ABAT: variants seen among roughly 807,000 people sequenced by gnomAD.
ABAT encodes the protein 4-aminobutyrate aminotransferase.
In ABAT, 45 loss-of-function variants were observed where a neutral mutation model predicts 64.6. That is an observed-to-expected ratio of 0.70 (90% confidence interval 0.55 to 0.89). The LOEUF (loss-of-function observed/expected upper bound fraction) is 0.89. Among genes scored for constraint, ABAT ranks in the 40% least tolerant of loss-of-function variants. The pLI is 0.00. For synonymous variants in ABAT, 297 were observed against 250.5 expected (o/e 1.19, Z -1.75); for missense variants, 633 against 658.4 (o/e 0.96, Z 0.42).
chr16:8,751,418 T>C (rs1228028928), intron 5 of ABAT, among the ~76,000 whole-genome samples: 1 of 151,954 alleles, frequency 6.6e-6, no homozygotes, highest in African/African-American at 2.4e-5. Flanking sequence ...AGGTTATTGA[T>C]TGAGGGAGAG....
At chr16:8,733,890 T>A (rs2058834807) in intron 1 of ABAT, among the ~76,000 whole-genome samples, 1 of 152,240 alleles carries the variant, frequency 6.6e-6, no homozygotes, top group Non-Finnish European at 1.5e-5. Flanking sequence ...TCATGCAGTA[T>A]CTGACCTTTG....
chr16:8,678,211 T>G (rs1003481411), intron 1 of ABAT, among the ~76,000 whole-genome samples: 1 of 152,236 alleles, frequency 6.6e-6, no homozygotes, highest in South Asian at 2.1e-4. Context: ...TACACAAGAC[T>G]TTCTTGTCTG....
At chr16:8,707,236 G>C (rs1286525195) in intron 1 of ABAT, among the ~76,000 whole-genome samples, 1 of 151,970 alleles carries the variant, frequency 6.6e-6, no homozygotes, top group Non-Finnish European at 1.5e-5. Flanking sequence ...ACCCAGGCTT[G>C]AGTACAGTGG....
intron 6 of ABAT, 53 bp downstream of exon 6, chr16:8,757,859 C>T: frequency 3.8e-6 from 6 of 1,563,408 alleles, no homozygotes; most frequent in Non-Finnish European, 5.3e-6. Flanking sequence ...TGGCCATTCA[C>T]AGAATCACTG....
intron 1 of ABAT, among the ~76,000 whole-genome samples, chr16:8,708,674 C>G (rs1426616022): frequency 6.6e-6 from 1 of 152,216 alleles, no homozygotes; most frequent in Non-Finnish European, 1.5e-5. Context: ...AGACACATGA[C>G]TGACATGTAA....
intron 1 of ABAT, among the ~76,000 whole-genome samples, chr16:8,694,781 G>A (rs1024255832): frequency 1.3e-5 from 2 of 152,208 alleles, no homozygotes; most frequent in Admixed American, 1.3e-4. Context: ...CATGATGGGT[G>A]CATTCCCAAG....
intron 1 of ABAT, among the ~76,000 whole-genome samples, chr16:8,702,611 G>A (rs1326156279): frequency 6.6e-6 from 1 of 152,110 alleles, no homozygotes; most frequent in African/African-American, 2.4e-5. Context: ...GCACCAAACG[G>A]ATGGTGCTAA....
chr16:8,773,076 G>A (rs749719967), intron 12 of ABAT, among the ~76,000 whole-genome samples, 159 bp downstream of exon 12: 1 of 148,564 alleles, frequency 6.7e-6, no homozygotes, highest in Non-Finnish European at 1.5e-5. Flanking sequence ...TGGGGTTGGT[G>A]AAAGAATGGG....
intron 12 of ABAT, among the ~76,000 whole-genome samples, chr16:8,773,745 C>T (rs558498162): frequency 3.3e-5 from 5 of 152,176 alleles, no homozygotes; most frequent in East Asian, 1.9e-4. Flanking sequence ...AGGCGTCATT[C>T]GACTCTATTT....
Position 8,738,031 on chromosome 16 carries a change from A to C in ABAT, c.70+2222A>C, listed in dbSNP as rs143953110. Reference sequence around the variant, plus strand: ...AAGAAAGAAAGGAAAGAAAGAAAGAAGGACAGACAGACAAGACAGTGGCTC... The same window carrying C: ...AAGAAAGAAAGGAAAGAAAGAAAGACGGACAGACAGACAAGACAGTGGCTC... On this transcript the variant is annotated intron_variant, in intron 2 of 15. Coordinates refer to ENST00000268251, the MANE Select transcript of ABAT (RefSeq NM_020686.6). 7.7e-5 allele frequency among the ~76,000 whole-genome samples: 11 copies of C among 142,696 alleles called. 1 individual carries two copies. The highest frequency in any genetic ancestry group is 3.0e-4 in the African/African-American group (11 of 37,088). The allele number at this position is 142,696 out of a possible 152,430, so 93.6% of individuals were successfully genotyped here. A position where few individuals can be genotyped will look rare whatever the true frequency, so the allele number is the denominator to read the frequency against.
chr16:8,692,456 G>A lies in ABAT; in HGVS notation c.-42+17745G>A, dbSNP rs568134720. On this transcript the variant is annotated intron_variant, in intron 1 of 15. Transcript: ENST00000268251. ...TGCTTTCGGCAACATGGCTAAGAAG[G>A]AGGCAGTTGAGCAGGTGAGGTTTGC... Among the ~76,000 whole-genome samples the A allele has an allele frequency of 1.8e-3, 278 of 152,264 alleles. 3 individuals carry two copies. Among genetic ancestry groups the A allele is most frequent in the South Asian group, 0.011 (51 of 4,818 alleles).
intron 1 of ABAT, among the ~76,000 whole-genome samples, chr16:8,734,949 T>C (rs2058869395): frequency 6.6e-6 from 1 of 151,982 alleles, no homozygotes; most frequent in African/African-American, 2.4e-5. Context: ...GGTTCATACC[T>C]GTAATCCCAG....
chr16:8,738,038 A>G (rs1468733632), intron 2 of ABAT, among the ~76,000 whole-genome samples: 1 of 135,444 alleles, frequency 7.4e-6, no homozygotes, highest in Non-Finnish European at 1.6e-5. Flanking sequence ...AGAAGGACAG[A>G]CAGACAAGAC....
intron 2 of ABAT, 167 bp downstream of exon 2, chr16:8,735,976 C>G: frequency 1.6e-6 from 1 of 637,646 alleles, no homozygotes; most frequent in Non-Finnish European, 2.8e-6. Context: ...AAAGGTACAC[C>G]TGAGACTGGG....
At chr16:8,742,960 C>T (rs1043966924) in intron 2 of ABAT, among the ~76,000 whole-genome samples, 1 of 142,892 alleles carries the variant, frequency 7.0e-6, no homozygotes, top group Non-Finnish European at 1.5e-5. Context: ...CACTTGAGCC[C>T]AGGAGTTCAA....
chr16:8,691,417 C>T (rs1337992986), intron 1 of ABAT, among the ~76,000 whole-genome samples: 1 of 152,070 alleles, frequency 6.6e-6, no homozygotes, highest in East Asian at 1.9e-4. Context: ...GCAGGGTTCT[C>T]TGCTGCAACT....
At chr16:8,675,155 C>A (rs570341212) in intron 1 of ABAT, among the ~76,000 whole-genome samples, 1 of 151,892 alleles carries the variant, frequency 6.6e-6, no homozygotes, top group African/African-American at 2.4e-5. Context: ...CCCTCCATGA[C>A]AAATGGAAGC....
At position 8,764,656 on chromosome 16, in the gene ABAT, C is replaced by A. The variant is rs564906869; in HGVS notation, c.448-82C>A. On this transcript the variant is annotated intron_variant, in intron 7 of 15. Coordinates refer to ENST00000268251, the MANE Select transcript of ABAT (RefSeq NM_020686.6). This position sits in a 1 kb window ranked among gnomAD's most constrained non-coding sequence, Gnocchi z 4.2. ...CTGTCTGTCCCCGGTACGGCCCCTGCGAAGATTCAGCTCCAGCCAGGGGAA... is the reference window on the plus strand; with the variant it reads ...CTGTCTGTCCCCGGTACGGCCCCTGAGAAGATTCAGCTCCAGCCAGGGGAA... 1.5e-6 allele frequency: 2 copies of A among 1,332,576 alleles called. No individual in the cohort carries two copies. The highest frequency in any genetic ancestry group is 2.2e-6 in the Non-Finnish European group (2 of 926,734). The allele number at this position is 1,332,576 out of a possible 1,614,324, so 82.5% of individuals were successfully genotyped here.
At chr16:8,724,731 GAAAAAAAAAAAAAACAAAAA>G (rs556115347) in intron 1 of ABAT, among the ~76,000 whole-genome samples, 7,371 of 72,982 alleles carry the variant, frequency 0.1, 228 homozygotes, top group South Asian at 0.22. Flanking sequence ...CTTGTCTCAG[GAAAAAAAAAAAAAACAAAAA>G]AAAAAAAAAA....
Sources: allele counts gnomAD v4.1 joint callset (sites outside exome capture counted in the v4.1 genomes callset), GRCh38; gene constraint gnomAD v4.1.1; non-coding constraint Gnocchi (gnomAD v3.1); transcripts MANE v1.5; gene names NCBI Gene and HGNC (gene_info 2026-07-23, HGNC 2026-07-21).